Variants in UCHL3 observed in about 807,000 individuals in gnomAD.
The protein encoded by UCHL3 is ubiquitin carboxyl-terminal hydrolase isozyme L3.
A neutral mutation model predicts 35.8 loss-of-function variants in UCHL3; 22 were observed. The ratio of observed to expected loss-of-function variants is 0.61; its 90% CI spans 0.44 to 0.88. UCHL3 has a LOEUF of 0.88. Ranked by LOEUF, UCHL3 falls within the 40% of genes least tolerant of loss-of-function variation. The probability of loss-of-function intolerance (pLI) is 0.00; values close to 1 mark genes in which losing one functional copy is unlikely to be tolerated. For missense variants in UCHL3, 229 were observed against 276.9 expected (o/e 0.83, Z 1.23); for synonymous variants, 90 against 92.8 (o/e 0.97, Z 0.17).
chr13:75,561,541 AATAT>A (rs8192743), intron 3 of UCHL3, among the ~76,000 whole-genome samples: 2 of 150,312 alleles, frequency 1.3e-5, no homozygotes, highest in Admixed American at 1.3e-4. Flanking sequence ...CAGTTTTTTC[AATAT>A]ATATATATAT....
At position 75,605,982 on chromosome 13, in the gene UCHL3, G is replaced by T; in HGVS notation, c.*170G>T. The T allele has an allele frequency of 1.7e-6, 1 of 573,450 alleles. No homozygotes were observed. The highest frequency in any genetic ancestry group is 3.1e-6 in the Non-Finnish European group (1 of 327,814). The allele number at this position is 573,450 out of a possible 1,614,324, so 35.5% of individuals were successfully genotyped here. A position where few individuals can be genotyped will look rare whatever the true frequency, so the allele number is the denominator to read the frequency against. On this transcript the variant is annotated 3_prime_UTR_variant, in exon 9 of 9. Coordinates refer to ENST00000377595, the MANE Select transcript of UCHL3 (RefSeq NM_006002.5). ...GTTATTTTTGCTCCAGGTTAAAGGT[G>T]CAATGCTTTCCTCCTCTTTTCTTGT...
rs577341082 is a variant in UCHL3, at chr13:75,556,270, T to C, written c.55-4483T>C. Among the ~76,000 whole-genome samples the C allele has an allele frequency of 5.3e-5, 8 of 152,354 alleles. No individual in the cohort carries two copies. The South Asian group carries it at 1.7e-3, about 32-fold the overall frequency. On this transcript the variant is annotated intron_variant, in intron 2 of 8. Coordinates refer to ENST00000377595, the MANE Select transcript of UCHL3 (RefSeq NM_006002.5). ...ATAAAGTGTTTTCAGTGTTTCCTCA[T>C]TATGTACTTTAATAATTATTCTGTC...
intron 6 of UCHL3, among the ~76,000 whole-genome samples, chr13:75,587,211 T>C (rs993359114): frequency 3.5e-4 from 53 of 152,006 alleles, no homozygotes; most frequent in African/African-American, 1.3e-3. Context: ...ACAGAGATCA[T>C]GACTTTTTAA....
At chr13:75,592,445 T>TACATATATAC (rs1183572195) in intron 6 of UCHL3, among the ~76,000 whole-genome samples, 16 of 55,686 alleles carry the variant, frequency 2.9e-4, no homozygotes, top group Non-Finnish European at 3.6e-4. Flanking sequence ...TATATATATA[T>TACATATATAC]ATATATATAT....
intron 6 of UCHL3, chr13:75,589,814 A>T: frequency 1.3e-6 from 1 of 747,504 alleles, no homozygotes; most frequent in Non-Finnish European, 1.8e-6. Context: ...TTTGCTAGAT[A>T]GATTATGGTT....
At chr13:75,599,743 C>T (rs1218042915) in intron 7 of UCHL3, among the ~76,000 whole-genome samples, 1 of 152,132 alleles carries the variant, frequency 6.6e-6, no homozygotes, top group African/African-American at 2.4e-5. Flanking sequence ...CTTCTCTATT[C>T]CCTGAGACAC....
intron 7 of UCHL3, among the ~76,000 whole-genome samples, chr13:75,603,977 GTTGA>G (rs2032856180): frequency 6.6e-6 from 1 of 151,846 alleles, no homozygotes; most frequent in Non-Finnish European, 1.5e-5. Flanking sequence ...GAATTTATGT[GTTGA>G]TTTTCATTCA....
intron 4 of UCHL3, 71 bp downstream of exon 4, chr13:75,566,922 T>G: frequency 6.8e-7 from 1 of 1,471,736 alleles, no homozygotes; most frequent in Non-Finnish European, 9.1e-7. Flanking sequence ...CAGTAGGTGG[T>G]GCTCTAATTC....
intron 7 of UCHL3, among the ~76,000 whole-genome samples, chr13:75,599,866 G>A (rs1259118160): frequency 6.6e-6 from 1 of 152,206 alleles, no homozygotes; most frequent in African/African-American, 2.4e-5. Context: ...AGTGAGGAAG[G>A]CATATTGAAA....
intron 2 of UCHL3, among the ~76,000 whole-genome samples, chr13:75,560,539 CAT>C (rs1566210357): frequency 5.3e-5 from 8 of 152,134 alleles, no homozygotes; most frequent in African/African-American, 9.7e-5. Context: ...AAAAATTGAA[CAT>C]ATTTAGAGTG....
intron 7 of UCHL3, among the ~76,000 whole-genome samples, chr13:75,598,122 CT>C (rs2032691209): frequency 6.6e-6 from 1 of 152,126 alleles, no homozygotes; most frequent in Non-Finnish European, 1.5e-5. Context: ...AACAGGAATA[CT>C]TTGAAGCAGT....
At chr13:75,589,871 C>T in intron 6 of UCHL3, 1 of 1,186,690 alleles carries the variant, frequency 8.4e-7, no homozygotes, top group Non-Finnish European at 1.1e-6. Flanking sequence ...CCATACGTTG[C>T]TTTTAAGAAT....
At chr13:75,596,298 T>C (rs2032644702) in intron 7 of UCHL3, among the ~76,000 whole-genome samples, 2 of 152,324 alleles carry the variant, frequency 1.3e-5, no homozygotes, top group African/African-American at 4.8e-5. Context: ...TGAGGAGTAA[T>C]AAAACTTAAA....
chr13:75,549,805 G>A lies in UCHL3; in HGVS notation c.-16G>A. 1.3e-6 allele frequency: 2 copies of A among 1,543,658 alleles called. No homozygotes were observed. Among genetic ancestry groups the A allele is most frequent in the Non-Finnish European group, 1.7e-6 (2 of 1,151,594 alleles). On this transcript the variant is annotated 5_prime_UTR_variant, in exon 1 of 9. Transcript: ENST00000377595. ...AGGCGGCGGCTGTCAGAGCTGGAGG[G>A]CCGGGCACCGCGGCCATGGAGGGTC...
At chr13:75,595,413 C>T (rs2032617574) in intron 7 of UCHL3, among the ~76,000 whole-genome samples, 1 of 151,676 alleles carries the variant, frequency 6.6e-6, no homozygotes, top group Admixed American at 6.6e-5. Context: ...GCCTGACCAA[C>T]ATGGAGAAAC....
At chr13:75,578,036 A>G (rs2032076156) in intron 6 of UCHL3, among the ~76,000 whole-genome samples, 1 of 152,190 alleles carries the variant, frequency 6.6e-6, no homozygotes, top group Non-Finnish European at 1.5e-5. Flanking sequence ...TAAACATACC[A>G]GTATGGAAAA....
At chr13:75,579,583 T>TC (rs2032122764) in intron 6 of UCHL3, among the ~76,000 whole-genome samples, 2 of 151,910 alleles carry the variant, frequency 1.3e-5, no homozygotes, top group Non-Finnish European at 2.9e-5. Flanking sequence ...TCTCCTTTCC[T>TC]CCCCCCTTCT....
At position 75,566,809 on chromosome 13, in the gene UCHL3, C is replaced by T; in HGVS notation, c.298C>T (p.Leu100=). ...TISNACGTIG[L]IHAIANNKDK... is the part of the protein sequence containing the mutation. The stretch of plus-strand genomic sequence containing the variant: ...CAGCAATGCCTGTGGAACAATTGGA[C>T]TGATTCATGCTATTGCAAACAATAA... Residue 100 remains leucine (L), a synonymous_variant, in exon 4 of 9, where the codon CTG becomes TTG. Coordinates refer to ENST00000377595, the MANE Select transcript of UCHL3 (RefSeq NM_006002.5). The T allele has an allele frequency of 6.2e-7, 1 of 1,607,262 alleles. No individual in the cohort carries two copies. The highest frequency in any genetic ancestry group is 1.7e-4 in the Middle Eastern group (1 of 6,042).
Position 75,554,605 on chromosome 13 carries a change from T to G in UCHL3, c.54+4618T>G, listed in dbSNP as rs568782284. ...ACTATAGTAGGCTCCTAACTAGTTC[T>G]TCTGCTTCTCCTTTTGCTTCCCTAA... On this transcript the variant is annotated intron_variant, in intron 2 of 8. Coordinates refer to ENST00000377595, the MANE Select transcript of UCHL3 (RefSeq NM_006002.5). 1.4e-3 allele frequency among the ~76,000 whole-genome samples: 212 copies of G among 152,312 alleles called. 1 individual carries two copies. The highest frequency in any genetic ancestry group is 2.4e-3 in the Non-Finnish European group (166 of 68,020).
Sources: gnomAD v4.1 joint callset for allele counts (sites outside exome capture counted in the v4.1 genomes callset) on GRCh38, gnomAD v4.1.1 for gene constraint, MANE v1.5 for transcripts, NCBI Gene and HGNC (gene_info 2026-07-23, HGNC 2026-07-21) for gene names.